Variants in SCUBE1 observed in about 807,000 individuals in gnomAD.
SCUBE1 encodes the protein signal peptide, CUB domain and EGF like domain containing 1.
Under a neutral mutation model 124.4 loss-of-function variants are expected in SCUBE1, and 59 were observed. That is an observed-to-expected ratio of 0.47 (90% confidence interval 0.38 to 0.59). The LOEUF is 0.59. SCUBE1 is among the 20% of genes least tolerant of loss of function. The pLI is 0.00. For synonymous variants in SCUBE1, 545 were observed against 550.9 expected (o/e 0.99, Z 0.15); for missense variants, 1,150 against 1,371.2 (o/e 0.84, Z 2.55).
chr22:43,339,757 CCCCA>C (rs1273677274), intron 1 of SCUBE1, among the ~76,000 whole-genome samples: 35 of 121,800 alleles, frequency 2.9e-4, no homozygotes, highest in Admixed American at 5.0e-4. Flanking sequence ...CCAACCCTCC[CCCCA>C]CTCTCCTCAT....
chr22:43,258,366 T>G lies in SCUBE1; in HGVS notation c.611-31A>C. 10 of 1,496,070 alleles carry G rather than the reference T, an allele frequency of 6.7e-6. No homozygotes were observed. The highest frequency in any genetic ancestry group is 9.3e-6 in the Non-Finnish European group (10 of 1,072,432). The allele number at this position is 1,496,070 out of a possible 1,614,324, so 92.7% of individuals were successfully genotyped here. Reference sequence around the variant, plus strand: ...TAGGCCCAAAGTGTACACACGGGTGTATAAACAGAACAACAAAAACGGTTA... The same window carrying G: ...TAGGCCCAAAGTGTACACACGGGTGGATAAACAGAACAACAAAAACGGTTA... On this transcript the variant is annotated intron_variant, in intron 5 of 21. Transcript: ENST00000360835. The surrounding 1 kb of genome is among the most constrained non-coding windows in gnomAD (Gnocchi z 5.0).
At chr22:43,330,534 G>C (rs1926871947) in intron 2 of SCUBE1, among the ~76,000 whole-genome samples, 1 of 152,202 alleles carries the variant, frequency 6.6e-6, no homozygotes, top group Non-Finnish European at 1.5e-5. Flanking sequence ...GTCAAAGGCA[G>C]GAAACATGTT....
Position 43,198,613 on chromosome 22 carries a change from C to T in SCUBE1, c.*5384G>A, listed in dbSNP as rs568492165. Reference sequence around the variant, plus strand: ...GCCCTTGGCCTGAATGATGTCGGCTCGGCATGGACACCTTGTGCATCTTTG... The same window carrying T: ...GCCCTTGGCCTGAATGATGTCGGCTTGGCATGGACACCTTGTGCATCTTTG... On this transcript the variant is annotated 3_prime_UTR_variant, in exon 22 of 22. Coordinates refer to ENST00000360835, the MANE Select transcript of SCUBE1 (RefSeq NM_173050.5). 1 of 456,738 alleles carries T rather than the reference C, an allele frequency of 2.2e-6. No individual in the cohort carries two copies. 28.3% of individuals were successfully genotyped at this position (456,738 alleles called of 1,614,324 possible).
chr22:43,265,621 C>T (rs1184966545), intron 4 of SCUBE1, among the ~76,000 whole-genome samples: 1 of 152,194 alleles, frequency 6.6e-6, no homozygotes, highest in Non-Finnish European at 1.5e-5. Flanking sequence ...CAACGGAGAG[C>T]AAGGGACGGG....
intron 19 of SCUBE1, among the ~76,000 whole-genome samples, chr22:43,209,800 G>A (rs189736096): frequency 6.6e-6 from 1 of 152,344 alleles, no homozygotes; most frequent in East Asian, 1.9e-4. Context: ...CCATGTCCCA[G>A]CATCCACTCT....
chr22:43,259,117 T>C (rs1923777916), intron 5 of SCUBE1, among the ~76,000 whole-genome samples: 1 of 152,168 alleles, frequency 6.6e-6, no homozygotes, highest in Non-Finnish European at 1.5e-5. Context: ...GAGTCTGAAG[T>C]AGAAAAAACT....
At chr22:43,209,761 C>A (rs1921459710) in intron 19 of SCUBE1, among the ~76,000 whole-genome samples, 1 of 152,206 alleles carries the variant, frequency 6.6e-6, no homozygotes, top group East Asian at 1.9e-4. Context: ...GAGGGCCCGG[C>A]TCGTGGCCGG....
intron 2 of SCUBE1, among the ~76,000 whole-genome samples, chr22:43,321,251 G>A (rs972014066): frequency 3.3e-5 from 5 of 152,378 alleles, no homozygotes; most frequent in East Asian, 3.9e-4. Context: ...GGGCCATCCT[G>A]TAGAAGAAGA....
rs1394593144 is a variant in SCUBE1 at position 43,292,595 on chromosome 22, A to ACACACACACT, written c.350-1416_350-1415insAGTGTGTGTG. ...CACACACACACACACACACACACAC[A>ACACACACACT]CTCTTCGGTGTTGAGCTTTTGATAC... On this transcript the variant is annotated intron_variant, in intron 3 of 21. Coordinates refer to ENST00000360835, the MANE Select transcript of SCUBE1 (RefSeq NM_173050.5). Among the ~76,000 whole-genome samples, 3 of 149,880 alleles carry ACACACACACT rather than the reference A, an allele frequency of 2.0e-5. No individual in the cohort carries two copies. In the East Asian group the frequency reaches 5.9e-4, roughly 29 times the overall value.
rs756522525 is a variant in SCUBE1, at chr22:43,319,926, G to A, written c.349+11C>T. 1.9e-6 allele frequency: 3 copies of A among 1,613,926 alleles called. No individual in the cohort carries two copies. Reference sequence around the variant, plus strand: ...TGTGCCCAGAGGGTAGGCTACAGCTGTATCACTCACCCAGGCAGTTGTGTC... The same window carrying A: ...TGTGCCCAGAGGGTAGGCTACAGCTATATCACTCACCCAGGCAGTTGTGTC... On this transcript the variant is annotated intron_variant, in intron 3 of 21. Coordinates refer to ENST00000360835, the MANE Select transcript of SCUBE1 (RefSeq NM_173050.5).
chr22:43,222,811 C>T (rs1324705036), intron 11 of SCUBE1, 69 bp from the exon 12 acceptor site: 2 of 1,242,316 alleles, frequency 1.6e-6, no homozygotes, highest in Non-Finnish European at 2.3e-6. Context: ...ATTCTTGGGG[C>T]CTCAGAGGGA....
At chr22:43,233,873 T>A (rs1407848928) in intron 7 of SCUBE1, among the ~76,000 whole-genome samples, 3 of 151,930 alleles carry the variant, frequency 2.0e-5, no homozygotes, top group Non-Finnish European at 2.9e-5. Context: ...CAGGGCTGGA[T>A]GCCCACATGG....
In SCUBE1 at chr22:43,258,380, C is replaced by G; in HGVS notation, c.611-45G>C. The G allele has an allele frequency of 7.0e-7, 1 of 1,431,512 alleles. No individual in the cohort carries two copies. The highest frequency in any genetic ancestry group is 9.9e-7 in the Non-Finnish European group (1 of 1,013,622). The allele number at this position is 1,431,512 out of a possible 1,614,324, so 88.7% of individuals were successfully genotyped here. A position where few individuals can be genotyped will look rare whatever the true frequency, so the allele number is the denominator to read the frequency against. On this transcript the variant is annotated intron_variant, in intron 5 of 21. Transcript: ENST00000360835. This position sits in a 1 kb window ranked among gnomAD's most constrained non-coding sequence, Gnocchi z 5.0. ...ACACACGGGTGTATAAACAGAACAA[C>G]AAAAACGGTTAGTTTGCCGGTGTTG...
chr22:43,300,216 C>A (rs1017502453), intron 3 of SCUBE1, among the ~76,000 whole-genome samples: 4 of 151,972 alleles, frequency 2.6e-5, no homozygotes, highest in African/African-American at 2.4e-5. Flanking sequence ...CCACGGGCGA[C>A]ACCGTTTTAC....
intron 6 of SCUBE1, among the ~76,000 whole-genome samples, chr22:43,249,345 G>C (rs1331373033): frequency 6.6e-6 from 1 of 152,080 alleles, no homozygotes; most frequent in East Asian, 1.9e-4. Context: ...CTGGGGTGGA[G>C]GGGAGCTAGC....
intron 4 of SCUBE1, among the ~76,000 whole-genome samples, chr22:43,271,179 G>A (rs1569004420): frequency 6.6e-6 from 1 of 152,172 alleles, no homozygotes; most frequent in African/African-American, 2.4e-5. Context: ...AAGTGCCTAG[G>A]TTGGACTGGG....
At chr22:43,304,797 C>G (rs981466028) in intron 3 of SCUBE1, among the ~76,000 whole-genome samples, 2 of 152,172 alleles carry the variant, frequency 1.3e-5, no homozygotes, top group Admixed American at 1.3e-4. Context: ...CCCATCTCCA[C>G]CCCCCGCAGG....
rs1383238136 is a variant in SCUBE1 at position 43,255,361 on chromosome 22, G to A, written c.727+2858C>T. 11 of 808,898 alleles carry A rather than the reference G, an allele frequency of 1.4e-5. No individual in the cohort carries two copies. The highest frequency in any genetic ancestry group is 2.1e-5 in the Non-Finnish European group (10 of 487,428). The allele number at this position is 808,898 out of a possible 1,614,324, so 50.1% of individuals were successfully genotyped here. A position where few individuals can be genotyped will look rare whatever the true frequency, so the allele number is the denominator to read the frequency against. ...ACAACACAGACATATGCCCCCACAC[G>A]CACACGTCACACCCACACACAGCAC... On this transcript the variant is annotated intron_variant, in intron 6 of 21. Transcript: ENST00000360835. This position sits in a 1 kb window ranked among gnomAD's most constrained non-coding sequence, Gnocchi z 4.7.
At position 43,223,173 on chromosome 22, in the gene SCUBE1, G is replaced by C. The variant is rs1182742613; in HGVS notation, c.1251C>G (p.Ala417=). The change falls in exon 11 of 22, where the codon GCC becomes GCG. Residue 417 remains alanine (A), a synonymous_variant. Transcript: ENST00000360835. Reference sequence around the variant, plus strand: ...CGCCTGCCTTGCTGCAGGACAGCTGGGCCCGGGGGGAGGTCTTGGCGCGAG... The same window carrying C: ...CGCCTGCCTTGCTGCAGGACAGCTGCGCCCGGGGGGAGGTCTTGGCGCGAG... ...CLSRAKTSPR[A]QLSCSKAGGV... 6.4e-7 allele frequency: 1 copy of C among 1,571,594 alleles called. No individual in the cohort carries two copies. Among genetic ancestry groups the C allele is most frequent in the Non-Finnish European group, 8.6e-7 (1 of 1,167,464 alleles).
Sources: gnomAD v4.1 joint callset for allele counts (sites outside exome capture counted in the v4.1 genomes callset) on GRCh38, gnomAD v4.1.1 for gene constraint, Gnocchi (gnomAD v3.1) non-coding constraint, MANE v1.5 for transcripts, NCBI Gene and HGNC (gene_info 2026-07-23, HGNC 2026-07-21) for gene names.